The following PBX4 variants were observed in gnomAD, a reference collection of about 807,000 sequenced individuals.
The protein encoded by PBX4 is pre-B-cell leukemia transcription factor 4.
Under a neutral mutation model 35.1 loss-of-function variants are expected in PBX4, and 26 were observed. The observed-to-expected ratio is 0.74, with a 90% CI of 0.54 to 1.03. PBX4 has a LOEUF of 1.03. Ranked by LOEUF, PBX4 falls within the 50% of genes least tolerant of loss-of-function variation. The pLI is 0.00. For missense variants in PBX4, 448 were observed against 504.3 expected, an observed-to-expected ratio of 0.89 and a Z score of 1.07; for synonymous variants, 199 against 204.2, an observed-to-expected ratio of 0.97 and a Z score of 0.22.
chr19:19,605,928 A>C (rs2061628599), intron 1 of PBX4, among the ~76,000 whole-genome samples: 1 of 151,798 alleles, frequency 6.6e-6, no homozygotes, highest in Non-Finnish European at 1.5e-5. Flanking sequence ...TAATGCATAC[A>C]AAGTAATTTC....
At chr19:19,569,390 T>A in intron 5 of PBX4, 59 bp downstream of exon 5, 2 of 1,559,412 alleles carry the variant, frequency 1.3e-6, no homozygotes, top group Middle Eastern at 4.2e-4. Flanking sequence ...GGTGTCCTCA[T>A]GGGACCTAGT....
Position 19,562,086 on chromosome 19 carries a change from T to TG in PBX4, c.1063dup (p.Gln355ProfsTer20), listed in dbSNP as rs748202447. ...TCCAGCAGGTGAGGCAGTTGCAGGT[T>TG]GGGGGGTGGCCCCCTGCCAGCTACC... On this transcript the variant is annotated frameshift_variant, in exon 8 of 8. Coordinates refer to ENST00000251203, the MANE Select transcript of PBX4 (RefSeq NM_025245.3). LOFTEE classifies it low-confidence loss of function (END_TRUNC). This position sits in a 1 kb window ranked among gnomAD's most constrained non-coding sequence, Gnocchi z 4.8. The TG allele has an allele frequency of 1.2e-6, 2 of 1,612,650 alleles. No homozygotes were observed. Among genetic ancestry groups the TG allele is most frequent in the Non-Finnish European group, 8.5e-7 (1 of 1,179,504 alleles).
At chr19:19,586,794 G>C (rs1023568319) in intron 2 of PBX4, among the ~76,000 whole-genome samples, 1 of 151,758 alleles carries the variant, frequency 6.6e-6, no homozygotes, top group African/African-American at 2.4e-5. Flanking sequence ...AGCCAGGCGT[G>C]GTGGCATGCA....
At chr19:19,591,326 T>C (rs1171993842) in intron 2 of PBX4, among the ~76,000 whole-genome samples, 1 of 152,154 alleles carries the variant, frequency 6.6e-6, no homozygotes, top group African/African-American at 2.4e-5. Context: ...AGAACCCGAT[T>C]CTGTAATTGC....
At chr19:19,596,797 T>C (rs142535255) in intron 2 of PBX4, among the ~76,000 whole-genome samples, 3 of 151,490 alleles carry the variant, frequency 2.0e-5, no homozygotes, top group Non-Finnish European at 4.4e-5. Context: ...CTCGTGCCTG[T>C]AGTCCCAGCT....
chr19:19,600,816 CAAAAAAAA>C (rs35643130), intron 1 of PBX4, among the ~76,000 whole-genome samples: 1 of 88,744 alleles, frequency 1.1e-5, no homozygotes, highest in Non-Finnish European at 2.3e-5. Flanking sequence ...GACTCCATCT[CAAAAAAAA>C]AAAAAAAAAA....
At chr19:19,576,882 G>A (rs2061422823) in intron 2 of PBX4, among the ~76,000 whole-genome samples, 1 of 151,812 alleles carries the variant, frequency 6.6e-6, no homozygotes, top group Non-Finnish European at 1.5e-5. Context: ...CAAAGTGCTT[G>A]GGATTATAGT....
chr19:19,590,327 G>A (rs935010442), intron 2 of PBX4, among the ~76,000 whole-genome samples: 4 of 152,016 alleles, frequency 2.6e-5, no homozygotes, highest in Admixed American at 6.6e-5. Context: ...CATGTGATGT[G>A]ACACTTCACA....
intron 1 of PBX4, among the ~76,000 whole-genome samples, chr19:19,599,990 A>T (rs1447274955): frequency 6.6e-6 from 1 of 151,430 alleles, no homozygotes; most frequent in Non-Finnish European, 1.5e-5. Flanking sequence ...AAAAAAAAAA[A>T]AATTCGCCAG....
chr19:19,591,861 T>A (rs2061530389), intron 2 of PBX4, among the ~76,000 whole-genome samples: 1 of 152,188 alleles, frequency 6.6e-6, no homozygotes, highest in African/African-American at 2.4e-5. Context: ...CCTTATTTTT[T>A]ATTTTTATAT....
At chr19:19,614,409 A>G (rs2061678084) in intron 1 of PBX4, among the ~76,000 whole-genome samples, 1 of 151,530 alleles carries the variant, frequency 6.6e-6, no homozygotes. Flanking sequence ...CAAGGCGGGT[A>G]GATCATCTGA....
chr19:19,612,946 G>A (rs959841076), intron 1 of PBX4, among the ~76,000 whole-genome samples: 5 of 151,640 alleles, frequency 3.3e-5, no homozygotes, highest in Non-Finnish European at 5.9e-5. Flanking sequence ...AGCCTCCTCA[G>A]TAGCTGACAC....
intron 2 of PBX4, among the ~76,000 whole-genome samples, chr19:19,589,845 C>T (rs2061515693): frequency 6.6e-6 from 1 of 152,140 alleles, no homozygotes; most frequent in Non-Finnish European, 1.5e-5. Flanking sequence ...CACAGATCTG[C>T]CTTGTGCTTT....
At chr19:19,579,284 G>T (rs1286640194) in intron 2 of PBX4, among the ~76,000 whole-genome samples, 1 of 151,968 alleles carries the variant, frequency 6.6e-6, no homozygotes, top group Non-Finnish European at 1.5e-5. Flanking sequence ...GGGAGGCGGA[G>T]GTTGCAGTGA....
At chr19:19,604,590 GTCTT>G (rs1315699505) in intron 1 of PBX4, among the ~76,000 whole-genome samples, 21 of 123,204 alleles carry the variant, frequency 1.7e-4, no homozygotes, top group African/African-American at 5.6e-4. Context: ...CTGAACATTA[GTCTT>G]TCTTTATTTT....
At chr19:19,587,099 G>T (rs2061494357) in intron 2 of PBX4, among the ~76,000 whole-genome samples, 1 of 151,864 alleles carries the variant, frequency 6.6e-6, no homozygotes, top group African/African-American at 2.4e-5. Flanking sequence ...CTGCCTCTCA[G>T]GTTCAAGTGA....
At chr19:19,612,905 G>A (rs578226320) in intron 1 of PBX4, among the ~76,000 whole-genome samples, 4 of 151,402 alleles carry the variant, frequency 2.6e-5, no homozygotes, top group African/African-American at 4.8e-5. Context: ...TGCAACCTCC[G>A]TCTCCAGGGT....
Position 19,562,083 on chromosome 19 carries a change from G to A in PBX4, c.1067C>T (p.Pro356Leu). The change falls in exon 8 of 8, where the codon CCT becomes CTT. Residue 356 changes from proline to leucine, a missense_variant. Physicochemically the swap from Pro to Leu is moderately conservative, Grantham distance 98. Coordinates refer to ENST00000251203, the MANE Select transcript of PBX4 (RefSeq NM_025245.3). The surrounding 1 kb of genome is among the most constrained non-coding windows in gnomAD (Gnocchi z 4.8). ...QGSWQGATPQ[P>L]ATASPAGDPG... Reference sequence around the variant, plus strand: ...GTCTCCAGCAGGTGAGGCAGTTGCAGGTTGGGGGGTGGCCCCCTGCCAGCT... The same window carrying A: ...GTCTCCAGCAGGTGAGGCAGTTGCAAGTTGGGGGGTGGCCCCCTGCCAGCT... The A allele has an allele frequency of 6.2e-7, 1 of 1,612,908 alleles. No homozygotes were observed. Among genetic ancestry groups the A allele is most frequent in the East Asian group, 2.2e-5 (1 of 44,792 alleles).
chr19:19,618,447 C>T (rs2061699502), intron 1 of PBX4, 64 bp downstream of exon 1: 3 of 1,330,634 alleles, frequency 2.3e-6, no homozygotes, highest in African/African-American at 3.1e-5. Context: ...ACGCCCCGTC[C>T]CCTCAGCCCG....
Sources: allele counts gnomAD v4.1 joint callset (sites outside exome capture counted in the v4.1 genomes callset), GRCh38; gene constraint gnomAD v4.1.1; non-coding constraint Gnocchi (gnomAD v3.1); transcripts MANE v1.5; gene names NCBI Gene and HGNC (gene_info 2026-07-23, HGNC 2026-07-21).